HPSE2: variants seen among roughly 807,000 people sequenced by gnomAD.
HPSE2 encodes inactive heparanase-2.
A neutral mutation model predicts 60.5 loss-of-function variants in HPSE2; 38 were observed. The ratio of observed to expected loss-of-function variants is 0.63; its 90% confidence interval spans 0.48 to 0.82. HPSE2 has a LOEUF of 0.82. HPSE2 is among the 40% of genes least tolerant of loss of function. The pLI, the probability that HPSE2 is intolerant of heterozygous loss-of-function variation, is 0.00. For synonymous variants in HPSE2, 295 were observed against 293.2 expected (o/e 1.01, Z -0.06); for missense variants, 713 against 740.4 (o/e 0.96, Z 0.43).
At chr10:99,204,159 G>A (rs1848666407) in intron 2 of HPSE2, among the ~76,000 whole-genome samples, 1 of 152,092 alleles carries the variant, frequency 6.6e-6, no homozygotes, top group Non-Finnish European at 1.5e-5. Flanking sequence ...TCAGGCTGAT[G>A]ACCATTCATA....
At chr10:98,759,814 A>G (rs567068624) in intron 3 of HPSE2, among the ~76,000 whole-genome samples, 32 of 152,056 alleles carry the variant, frequency 2.1e-4, no homozygotes, top group Admixed American at 3.9e-4. Context: ...GAATTGTTTT[A>G]CTATTTCTGT....
At chr10:99,282,013 A>AC in the HPSE2 span, among the ~76,000 whole-genome samples, 1 of 152,140 alleles carries the variant, frequency 6.6e-6, no homozygotes, top group South Asian at 2.1e-4. Context: ...TAATCCCAGC[A>AC]CTTTGGGAGG....
chr10:99,148,745 G>A (rs181675759), intron 2 of HPSE2, among the ~76,000 whole-genome samples: 65 of 152,184 alleles, frequency 4.3e-4, no homozygotes, highest in African/African-American at 1.2e-3. Flanking sequence ...AGCCAAGATC[G>A]CGCCATTGCA....
intron 3 of HPSE2, among the ~76,000 whole-genome samples, chr10:98,890,791 T>C (rs1460615318): frequency 1.3e-5 from 2 of 152,184 alleles, no homozygotes; most frequent in Admixed American, 1.3e-4. Context: ...ATACCGATAC[T>C]GTGCACACAG....
chr10:99,179,624 G>A (rs1331949955), intron 2 of HPSE2, among the ~76,000 whole-genome samples: 2 of 151,950 alleles, frequency 1.3e-5, no homozygotes, highest in Non-Finnish European at 2.9e-5. Flanking sequence ...CAAACAAATG[G>A]AAAAACATTC....
At chr10:98,715,344 T>C (rs1326443695) in intron 5 of HPSE2, among the ~76,000 whole-genome samples, 3 of 152,024 alleles carry the variant, frequency 2.0e-5, no homozygotes, top group Non-Finnish European at 4.4e-5. Flanking sequence ...TTCATGGAAA[T>C]TGCTTTTACT....
intron 6 of HPSE2, among the ~76,000 whole-genome samples, chr10:98,663,156 C>T (rs1341815742): frequency 1.3e-5 from 2 of 152,024 alleles, no homozygotes; most frequent in Admixed American, 6.6e-5. Context: ...TTGATTAGGC[C>T]CCCAGTCTTC....
At chr10:98,734,541 T>C (rs181960677) in intron 4 of HPSE2, among the ~76,000 whole-genome samples, 5 of 110,658 alleles carry the variant, frequency 4.5e-5, no homozygotes, top group Admixed American at 3.5e-4. Context: ...TTTTTAAAAT[T>C]TGGCCATCCT....
chr10:99,182,412 C>G (rs1020555489), intron 2 of HPSE2, among the ~76,000 whole-genome samples: 1 of 152,172 alleles, frequency 6.6e-6, no homozygotes, highest in African/African-American at 2.4e-5. Context: ...ATCCAGACTT[C>G]CAGTTCTATA....
chr10:99,034,588 T>C (rs564424235), intron 3 of HPSE2, among the ~76,000 whole-genome samples: 1 of 152,194 alleles, frequency 6.6e-6, no homozygotes, highest in South Asian at 2.1e-4. Flanking sequence ...CACAGAGACA[T>C]AAATACACAG....
chr10:98,626,678 GA>G (rs1774982699), intron 7 of HPSE2, among the ~76,000 whole-genome samples: 1 of 152,118 alleles, frequency 6.6e-6, no homozygotes, highest in South Asian at 2.1e-4. Flanking sequence ...ATAATAAAAT[GA>G]TGTTAAATGA....
At chr10:99,011,776 G>T (rs1459844775) in intron 3 of HPSE2, among the ~76,000 whole-genome samples, 1 of 101,434 alleles carries the variant, frequency 9.9e-6, no homozygotes, top group South Asian at 3.2e-4. Context: ...AAAAAAAAAT[G>T]CTCTAAGCAA....
chr10:98,514,369 T>C (rs2133753535), intron 9 of HPSE2, among the ~76,000 whole-genome samples: 1 of 152,318 alleles, frequency 6.6e-6, no homozygotes, highest in East Asian at 1.9e-4. Context: ...CATACCATCG[T>C]GAATGTACTT....
At chr10:98,803,777 T>C (rs1158637830) in intron 3 of HPSE2, among the ~76,000 whole-genome samples, 2 of 151,106 alleles carry the variant, frequency 1.3e-5, no homozygotes, top group Non-Finnish European at 3.0e-5. Context: ...CTTTGTTCTT[T>C]TGGCTTAGGA....
chr10:99,084,889 G>A (rs1290420070), intron 3 of HPSE2, among the ~76,000 whole-genome samples: 4 of 152,182 alleles, frequency 2.6e-5, no homozygotes, highest in Non-Finnish European at 4.4e-5. Flanking sequence ...AAACTCTGCA[G>A]TGAGAAAGAA....
chr10:99,247,383 AAAGT>A, the HPSE2 span, among the ~76,000 whole-genome samples: 4 of 152,240 alleles, frequency 2.6e-5, no homozygotes, highest in African/African-American at 9.6e-5. Flanking sequence ...TGTATTTTTA[AAAGT>A]AAGGAAGTTC....
intron 8 of HPSE2, among the ~76,000 whole-genome samples, chr10:98,615,331 C>A (rs1376940300): frequency 6.6e-6 from 1 of 152,168 alleles, no homozygotes; most frequent in African/African-American, 2.4e-5. Context: ...CAAATGAACA[C>A]CCTAGCCATT....
chr10:99,146,426 C>T (rs1846055479), intron 2 of HPSE2, among the ~76,000 whole-genome samples: 1 of 152,196 alleles, frequency 6.6e-6, no homozygotes, highest in Admixed American at 6.5e-5. Flanking sequence ...GGGGGACTTC[C>T]CTTGCCAGAT....
At chr10:98,687,599 TTTGGGGGAGG>T (rs1387466444) in intron 6 of HPSE2, among the ~76,000 whole-genome samples, 2 of 152,314 alleles carry the variant, frequency 1.3e-5, no homozygotes, top group African/African-American at 4.8e-5. Flanking sequence ...TGCAGATATC[TTTGGGGGAGG>T]TTGGGGGAGG....
Sources: gnomAD v4.1 joint callset for allele counts (sites outside exome capture counted in the v4.1 genomes callset) on GRCh38, gnomAD v4.1.1 for gene constraint, MANE v1.5 for transcripts, NCBI Gene and HGNC (gene_info 2026-07-23, HGNC 2026-07-21) for gene names.